The following TBL1X variants were observed in gnomAD, a reference collection of about 807,000 sequenced individuals.
The protein encoded by TBL1X is transducin beta like 1 X-linked.
A neutral mutation model predicts 50.7 loss-of-function variants in TBL1X; 10 were observed. That is an observed-to-expected ratio of 0.20 (90% CI 0.12 to 0.33). The LOEUF (loss-of-function observed/expected upper bound fraction) is 0.33, where lower values mean the gene tolerates loss of function less well. Ranked by LOEUF, TBL1X falls within the 10% of genes least tolerant of loss-of-function variation. The pLI, the probability that TBL1X is intolerant of heterozygous loss-of-function variation, is 1.00. For missense variants in TBL1X, 340 were observed against 504.4 expected (o/e 0.67, Z 3.12); for synonymous variants, 190 against 214.7 (o/e 0.88, Z 1.01).
chrX:9,584,092 C>T (rs1418580117), intron 2 of TBL1X, among the ~76,000 whole-genome samples: 1 of 111,964 alleles, frequency 8.9e-6, no homozygotes, highest in East Asian at 2.8e-4. Flanking sequence ...GACTGTGTTC[C>T]GCTGGCAGGA....
chrX:9,522,174 T>C (rs1282102197), intron 2 of TBL1X, among the ~76,000 whole-genome samples: 1 of 109,923 alleles, frequency 9.1e-6, no homozygotes, highest in Non-Finnish European at 1.9e-5. Flanking sequence ...TGAGCTACTT[T>C]GCCCGGCTAA....
At chrX:9,656,467 T>G (rs2082865628) in intron 5 of TBL1X, among the ~76,000 whole-genome samples, 1 of 112,605 alleles carries the variant, frequency 8.9e-6, no homozygotes, top group African/African-American at 3.2e-5. Flanking sequence ...GCTGGCTTCT[T>G]GAAATAAACA....
chrX:9,620,825 G>A (rs750360611), intron 2 of TBL1X, among the ~76,000 whole-genome samples: 114 of 112,125 alleles, frequency 1.0e-3, no homozygotes, highest in Non-Finnish European at 2.0e-3. Context: ...ACTAACCAGT[G>A]GCTGGCTGCT....
chrX:9,544,061 C>T (rs1462374359), intron 2 of TBL1X, among the ~76,000 whole-genome samples: 1 of 112,025 alleles, frequency 8.9e-6, no homozygotes, highest in African/African-American at 3.2e-5. Context: ...GGGAGTTTTG[C>T]AAGGAGTTGG....
At chrX:9,698,457 T>A (rs2083146752) in intron 12 of TBL1X, among the ~76,000 whole-genome samples, 1 of 111,704 alleles carries the variant, frequency 9.0e-6, no homozygotes, top group Admixed American at 9.5e-5. Context: ...CTTCGAAGGC[T>A]CCTCTCCCAG....
intron 2 of TBL1X, among the ~76,000 whole-genome samples, chrX:9,570,746 C>T (rs779371364): frequency 8.0e-4 from 80 of 99,632 alleles, no homozygotes; most frequent in Middle Eastern, 5.3e-3. Flanking sequence ...GGCGCCATCT[C>T]GGCTCACTGC....
intron 2 of TBL1X, among the ~76,000 whole-genome samples, chrX:9,604,636 C>T (rs1397155562): frequency 4.5e-5 from 5 of 110,999 alleles, no homozygotes; most frequent in South Asian, 3.8e-4. Context: ...CCACTGGGTG[C>T]GCGTGGGCTT....
In TBL1X at chrX:9,485,636, C is replaced by T. The variant is rs1321798230; in HGVS notation, c.-200-16144C>T. Among the ~76,000 whole-genome samples the T allele has an allele frequency of 5.4e-5, 6 of 111,875 alleles. No individual in the cohort carries two copies. In the South Asian group the frequency reaches 1.5e-3, roughly 28 times the overall value. ...GTTGTCAGCACCCGCCCACATGAGA[C>T]GAGTTTGTAGCTGTGCCTGGTGCCA... On this transcript the variant is annotated intron_variant, in intron 1 of 17. Transcript: ENST00000645353.
chrX:9,505,697 A>G (rs9887178), intron 2 of TBL1X, among the ~76,000 whole-genome samples: 2,980 of 112,168 alleles, frequency 0.027, 88 homozygotes, highest in African/African-American at 0.091. Context: ...ATAAAAACAG[A>G]CAAAGAAGGG....
intron 2 of TBL1X, among the ~76,000 whole-genome samples, chrX:9,528,581 C>T (rs2082143989): frequency 9.2e-6 from 1 of 109,258 alleles, no homozygotes; most frequent in Non-Finnish European, 1.9e-5. Flanking sequence ...CCACTCTGGG[C>T]CCCTGGGCAG....
At chrX:9,667,529 C>G (rs1300773830) in intron 5 of TBL1X, among the ~76,000 whole-genome samples, 1 of 111,970 alleles carries the variant, frequency 8.9e-6, no homozygotes, top group African/African-American at 3.2e-5. Context: ...ACCTGATGGT[C>G]AAACGAATTA....
chrX:9,605,685 T>G (rs1282417874), intron 2 of TBL1X, among the ~76,000 whole-genome samples: 1 of 112,627 alleles, frequency 8.9e-6, no homozygotes, highest in Admixed American at 9.3e-5. Context: ...TGCATGAATC[T>G]GGAAGGTAAA....
At chrX:9,570,938 A>G (rs2082382691) in intron 2 of TBL1X, among the ~76,000 whole-genome samples, 1 of 111,302 alleles carries the variant, frequency 9.0e-6, no homozygotes, top group Non-Finnish European at 1.9e-5. Flanking sequence ...CGGCCTCCCA[A>G]AGTGCTCGGA....
At chrX:9,562,342 C>T (rs953745764) in intron 2 of TBL1X, among the ~76,000 whole-genome samples, 1 of 112,071 alleles carries the variant, frequency 8.9e-6, no homozygotes. Context: ...TAATCTTTTG[C>T]TGTAATTTAA....
intron 5 of TBL1X, among the ~76,000 whole-genome samples, chrX:9,660,889 C>G (rs959189641): frequency 8.9e-6 from 1 of 112,498 alleles, no homozygotes; most frequent in African/African-American, 3.2e-5. Context: ...GAAATCCTAA[C>G]CCCCAAGGGG....
At chrX:9,613,985 C>CAAAA (rs34481376) in intron 2 of TBL1X, among the ~76,000 whole-genome samples, 7 of 50,230 alleles carry the variant, frequency 1.4e-4, no homozygotes, top group South Asian at 1.2e-3. Context: ...GACTCCATCT[C>CAAAA]AAAAAAAAAA....
chrX:9,620,446 G>A (rs1194099587), intron 2 of TBL1X, among the ~76,000 whole-genome samples: 3 of 112,642 alleles, frequency 2.7e-5, no homozygotes, highest in Non-Finnish European at 5.6e-5. Context: ...GTAGCAAACA[G>A]AGGAACAAAG....
intron 2 of TBL1X, among the ~76,000 whole-genome samples, chrX:9,553,330 G>A (rs2082279712): frequency 9.0e-6 from 1 of 111,674 alleles, no homozygotes; most frequent in Non-Finnish European, 1.9e-5. Context: ...GATGCTGGCG[G>A]CCTCTAGAAG....
At chrX:9,674,836 T>G (rs2082983684) in intron 5 of TBL1X, among the ~76,000 whole-genome samples, 1 of 110,244 alleles carries the variant, frequency 9.1e-6, no homozygotes, top group African/African-American at 3.3e-5. Flanking sequence ...CACCTCGACC[T>G]TGCAAAGTGC....
Sources: gnomAD v4.1 joint callset for allele counts (sites outside exome capture counted in the v4.1 genomes callset) on GRCh38, gnomAD v4.1.1 for gene constraint, MANE v1.5 for transcripts, NCBI Gene and HGNC (gene_info 2026-07-23, HGNC 2026-07-21) for gene names.